Variants in SDC2 observed in about 807,000 individuals in gnomAD.
SDC2 encodes the protein syndecan 2, also known as syndecan-2.
In SDC2, 13 loss-of-function variants were observed where a neutral mutation model predicts 22.2. That is an observed-to-expected ratio of 0.59 (90% CI 0.38 to 0.93). The LOEUF is 0.93. SDC2 is among the 40% of genes least tolerant of loss of function. The pLI is 0.00. For synonymous variants in SDC2, 94 were observed against 92.8 expected, an observed-to-expected ratio of 1.01 and a Z score of -0.07; for missense variants, 235 against 246.8, an observed-to-expected ratio of 0.95 and a Z score of 0.32.
At chr8:96,549,139 A>G (rs1813984365) in intron 1 of SDC2, among the ~76,000 whole-genome samples, 1 of 152,202 alleles carries the variant, frequency 6.6e-6, no homozygotes, top group Non-Finnish European at 1.5e-5. Context: ...CTAAAAACTG[A>G]GTACTCTTGT....
intron 1 of SDC2, among the ~76,000 whole-genome samples, chr8:96,576,654 C>T (rs1348976832): frequency 2.7e-5 from 4 of 149,572 alleles, no homozygotes; most frequent in African/African-American, 9.8e-5. Context: ...CTCCTGACCT[C>T]GTGATCCGCC....
chr8:96,601,985 C>G (rs1271493701), intron 2 of SDC2, among the ~76,000 whole-genome samples: 1 of 152,104 alleles, frequency 6.6e-6, no homozygotes, highest in Non-Finnish European at 1.5e-5. Context: ...GTCTCGATCT[C>G]CTGACCTCGT....
chr8:96,566,821 A>T (rs1351248703), intron 1 of SDC2, among the ~76,000 whole-genome samples: 1 of 151,742 alleles, frequency 6.6e-6, no homozygotes, highest in Admixed American at 6.6e-5. Flanking sequence ...GGGTGTGGTT[A>T]TGTGTTTGTA....
intron 1 of SDC2, among the ~76,000 whole-genome samples, chr8:96,560,619 A>C (rs1469848688): frequency 6.6e-6 from 1 of 152,076 alleles, no homozygotes; most frequent in Non-Finnish European, 1.5e-5. Flanking sequence ...AGATGGAAGG[A>C]GTTTTTCTGA....
Position 96,527,625 on chromosome 8 carries a change from C to T in SDC2, c.60+33294C>T, listed in dbSNP as rs181255213. Reference sequence around the variant, plus strand: ...AAGGGGGTCTCATAACCTACCAGTCCGAGTTAGACTTGTTGAGTCTTAAAA... The same window carrying T: ...AAGGGGGTCTCATAACCTACCAGTCTGAGTTAGACTTGTTGAGTCTTAAAA... On this transcript the variant is annotated intron_variant, in intron 1 of 4. Coordinates refer to ENST00000302190, the MANE Select transcript of SDC2 (RefSeq NM_002998.4). Among the ~76,000 whole-genome samples the T allele has an allele frequency of 3.5e-3, 529 of 152,256 alleles. 4 individuals carry two copies. Among genetic ancestry groups the T allele is most frequent in the African/African-American group, 0.012 (508 of 41,540 alleles).
At chr8:96,495,077 G>A (rs996259420) in intron 1 of SDC2, among the ~76,000 whole-genome samples, 4 of 152,180 alleles carry the variant, frequency 2.6e-5, no homozygotes, top group Admixed American at 1.3e-4. Flanking sequence ...GGGGCGTCAG[G>A]GACGGGAGGA....
At chr8:96,537,928 T>C (rs1014021754) in intron 1 of SDC2, among the ~76,000 whole-genome samples, 10 of 132,180 alleles carry the variant, frequency 7.6e-5, no homozygotes, top group Non-Finnish European at 1.4e-4. Context: ...CAGGCTGTGT[T>C]ATCTGTAAAG....
chr8:96,534,730 C>G (rs1375000105), intron 1 of SDC2, among the ~76,000 whole-genome samples: 1 of 151,994 alleles, frequency 6.6e-6, no homozygotes, highest in African/African-American at 2.4e-5. Context: ...AGCCACTGTG[C>G]CTGGCTGGCC....
At chr8:96,570,176 C>T (rs940696479) in intron 1 of SDC2, among the ~76,000 whole-genome samples, 3 of 152,080 alleles carry the variant, frequency 2.0e-5, no homozygotes, top group East Asian at 3.9e-4. Context: ...GATCCCGCAG[C>T]TGGTAAGTGG....
At position 96,552,626 on chromosome 8, in the gene SDC2, T is replaced by C. The variant is rs1814045511; in HGVS notation, c.61-40854T>C. On this transcript the variant is annotated intron_variant, in intron 1 of 4. Transcript: ENST00000302190. ...AAATTTTTTTAACTTACAAGCTGTC[T>C]TCCTCTAAATTTAGGATGGAAGGGG... Among the ~76,000 whole-genome samples, 3 of 152,202 alleles carry C rather than the reference T, an allele frequency of 2.0e-5. No individual in the cohort carries two copies. In the South Asian group the frequency reaches 6.2e-4, roughly 32 times the overall value.
intron 2 of SDC2, among the ~76,000 whole-genome samples, chr8:96,598,216 T>G (rs1224265514): frequency 1.3e-5 from 2 of 152,218 alleles, no homozygotes; most frequent in Non-Finnish European, 2.9e-5. Flanking sequence ...CATGACCTGC[T>G]CATCTCCTGA....
chr8:96,531,809 C>T (rs1813665917), intron 1 of SDC2, among the ~76,000 whole-genome samples: 1 of 152,234 alleles, frequency 6.6e-6, no homozygotes. Flanking sequence ...GTAATGAGGG[C>T]TTGGTTCAGC....
At chr8:96,542,015 A>T (rs1333198437) in intron 1 of SDC2, among the ~76,000 whole-genome samples, 2 of 152,160 alleles carry the variant, frequency 1.3e-5, no homozygotes, top group Non-Finnish European at 2.9e-5. Flanking sequence ...ACACAAGGTC[A>T]TTGTCATGGA....
intron 1 of SDC2, among the ~76,000 whole-genome samples, chr8:96,571,028 C>T (rs1414873794): frequency 6.6e-6 from 1 of 152,182 alleles, no homozygotes; most frequent in Non-Finnish European, 1.5e-5. Flanking sequence ...TGCCGCTGAA[C>T]TATACACTTG....
At chr8:96,523,521 A>G (rs1235469294) in intron 1 of SDC2, among the ~76,000 whole-genome samples, 1 of 152,166 alleles carries the variant, frequency 6.6e-6, no homozygotes, top group Non-Finnish European at 1.5e-5. Flanking sequence ...GGGGAGATTT[A>G]CATCTGTAAG....
chr8:96,514,340 G>A (rs1272996403), intron 1 of SDC2, among the ~76,000 whole-genome samples: 1 of 152,140 alleles, frequency 6.6e-6, no homozygotes, highest in Non-Finnish European at 1.5e-5. Flanking sequence ...AGGGCCCACA[G>A]GCCAGCACGA....
Position 96,609,496 on chromosome 8 carries a change from A to G in SDC2, c.554A>G (p.Lys185Arg). ...GGAAGCTATGACCTTGGAGAACGCAAACCATCCAGTGCTGCTTATCAGAAG... is the reference window on the plus strand; with the variant it reads ...GGAAGCTATGACCTTGGAGAACGCAGACCATCCAGTGCTGCTTATCAGAAG... ...DEGSYDLGERKPSSAAYQKAP... is the reference protein window; with the variant it reads ...DEGSYDLGERRPSSAAYQKAP... Residue 185 changes from lysine to arginine, a missense_variant, in exon 5 of 5, where the codon AAA becomes AGA. Physicochemically the swap from Lys to Arg is conservative, Grantham distance 26. Transcript: ENST00000302190. 2 of 1,612,988 alleles carry G rather than the reference A, an allele frequency of 1.2e-6. No individual in the cohort carries two copies. Among genetic ancestry groups the G allele is most frequent in the Non-Finnish European group, 1.7e-6 (2 of 1,179,442 alleles).
intron 1 of SDC2, among the ~76,000 whole-genome samples, chr8:96,497,539 C>G (rs1325638247): frequency 6.6e-6 from 1 of 152,014 alleles, no homozygotes. Context: ...TTAAATGGCG[C>G]CTTGGATAAT....
At chr8:96,553,802 C>T (rs1814065876) in intron 1 of SDC2, among the ~76,000 whole-genome samples, 1 of 151,620 alleles carries the variant, frequency 6.6e-6, no homozygotes, top group African/African-American at 2.4e-5. Context: ...GACAGGATCT[C>T]ACTCCAGTTG....
Sources: allele counts gnomAD v4.1 joint callset (sites outside exome capture counted in the v4.1 genomes callset), GRCh38; gene constraint gnomAD v4.1.1; transcripts MANE v1.5; gene names NCBI Gene and HGNC (gene_info 2026-07-23, HGNC 2026-07-21).